MCF2L: variants seen among roughly 807,000 people sequenced by gnomAD.
The protein encoded by MCF2L is MCF.2 cell line derived transforming sequence like, also known as guanine nucleotide exchange factor DBS.
MCF2L carries 97 observed loss-of-function variants against 153.4 expected under a neutral mutation model. The observed-to-expected ratio is 0.63, with a 90% CI of 0.54 to 0.75. The LOEUF is 0.75. Among genes scored for constraint, MCF2L ranks in the 30% least tolerant of loss-of-function variants. MCF2L has a pLI of 0.00. For synonymous variants in MCF2L, 659 were observed against 632.2 expected (o/e 1.04, Z -0.64); for missense variants, 1,347 against 1,495.2 (o/e 0.90, Z 1.64).
intron 2 of MCF2L, among the ~76,000 whole-genome samples, chr13:112,949,105 A>G (rs551731101): frequency 2.6e-5 from 4 of 152,306 alleles, no homozygotes; most frequent in African/African-American, 9.6e-5. Flanking sequence ...ATAATAAGGG[A>G]AAAAACTGCA....
chr13:112,984,378 G>T (rs1021873219), intron 1 of MCF2L, among the ~76,000 whole-genome samples: 1 of 152,066 alleles, frequency 6.6e-6, no homozygotes, highest in Non-Finnish European at 1.5e-5. Context: ...GGAATTACGG[G>T]TATGTGCCAC....
rs145173686 is a variant in MCF2L at position 113,030,923 on chromosome 13, A to G, written c.278+6165A>G. On this transcript the variant is annotated intron_variant, in intron 3 of 29. Coordinates refer to ENST00000535094, the MANE Select transcript of MCF2L (RefSeq NM_001112732.3). ...TCAGTGGTCAGCACACACTGGGAACACAACAGCAAATAAACAGAGAAAATT... is the reference window on the plus strand; with the variant it reads ...TCAGTGGTCAGCACACACTGGGAACGCAACAGCAAATAAACAGAGAAAATT... 1.8e-4 allele frequency among the ~76,000 whole-genome samples: 27 copies of G among 152,344 alleles called. 1 individual carries two copies. The East Asian group carries it at 5.2e-3, about 29-fold the overall frequency.
At chr13:112,944,560 A>C (rs1388637830) in intron 2 of MCF2L, among the ~76,000 whole-genome samples, 1 of 138,658 alleles carries the variant, frequency 7.2e-6, no homozygotes, top group South Asian at 2.4e-4. Context: ...CTGTCCCGCT[A>C]AACCTGAACT....
At chr13:113,066,294 C>T (rs921350494) in intron 8 of MCF2L, 124 bp downstream of exon 8, 1 of 1,212,768 alleles carries the variant, frequency 8.2e-7, no homozygotes, top group South Asian at 1.7e-5. Flanking sequence ...GGCAACCCCA[C>T]TCCTGGCCAG....
chr13:112,972,845 A>G (rs9577183), intron 1 of MCF2L, among the ~76,000 whole-genome samples: 115,804 of 124,436 alleles, frequency 0.93, 53,648 homozygotes, highest in Non-Finnish European at 0.98. Flanking sequence ...GGATGGATGA[A>G]TGGATGGATG....
chr13:112,955,313 C>T (rs372872247), intron 2 of MCF2L, among the ~76,000 whole-genome samples: 1 of 152,192 alleles, frequency 6.6e-6, no homozygotes, highest in African/African-American at 2.4e-5. Context: ...TAGCCAGAGG[C>T]TCCCAGCAGC....
At chr13:112,999,559 C>G (rs76347828) in intron 1 of MCF2L, among the ~76,000 whole-genome samples, 3,347 of 152,300 alleles carry the variant, frequency 0.022, 103 homozygotes, top group East Asian at 0.094. Context: ...CTGCCTGAGA[C>G]GTCCCAGCCC....
intron 1 of MCF2L, among the ~76,000 whole-genome samples, chr13:112,977,594 G>A (rs1594444717): frequency 6.6e-6 from 1 of 152,272 alleles, no homozygotes; most frequent in Non-Finnish European, 1.5e-5. Context: ...AATGATGAAC[G>A]TCTGTGCACA....
At chr13:113,058,815 G>A (rs147090373) in intron 4 of MCF2L, among the ~76,000 whole-genome samples, 151 of 150,472 alleles carry the variant, frequency 1.0e-3, no homozygotes, top group Non-Finnish European at 1.6e-3. Flanking sequence ...CTGAGTGGGC[G>A]CTGTGTGTTT....
intron 26 of MCF2L, chr13:113,090,288 G>A (rs758027523): frequency 1.9e-5 from 24 of 1,289,856 alleles, no homozygotes; most frequent in Admixed American, 8.0e-5. Flanking sequence ...ACCCAATCAC[G>A]TGTTCCCTGA....
chr13:112,986,309 C>G (rs1366381590), intron 1 of MCF2L, among the ~76,000 whole-genome samples: 1 of 152,254 alleles, frequency 6.6e-6, no homozygotes, highest in African/African-American at 2.4e-5. Flanking sequence ...GTTTATAAAA[C>G]TGCATCCACT....
chr13:112,979,791 C>T (rs754810458), intron 1 of MCF2L: 1 of 1,589,046 alleles, frequency 6.3e-7, no homozygotes, highest in Non-Finnish European at 8.6e-7. Flanking sequence ...GGCATGGGGG[C>T]AGGTGCTGTG....
At chr13:112,997,076 C>T (rs968307008) in intron 1 of MCF2L, among the ~76,000 whole-genome samples, 2 of 152,236 alleles carry the variant, frequency 1.3e-5, no homozygotes. Context: ...GCGGCTGCTT[C>T]CCGTGAACGG....
At chr13:113,091,690 G>C (rs1017509751) in intron 26 of MCF2L, among the ~76,000 whole-genome samples, 2 of 151,802 alleles carry the variant, frequency 1.3e-5, no homozygotes, top group African/African-American at 2.4e-5. Context: ...CTCCTTTCCC[G>C]GGCCGACGAG....
intron 3 of MCF2L, chr13:113,044,685 G>A (rs370428573): frequency 2.9e-5 from 46 of 1,612,620 alleles, no homozygotes; most frequent in Non-Finnish European, 3.8e-5. Context: ...GAGGACGGAG[G>A]CTGTCGTTAT....
chr13:113,060,332 G>A (rs1014929644), intron 4 of MCF2L, among the ~76,000 whole-genome samples: 34 of 152,202 alleles, frequency 2.2e-4, no homozygotes, highest in South Asian at 8.3e-4. Context: ...AACAACTGTC[G>A]TAAGCTTTGG....
At chr13:113,002,486 GC>G (rs1307331402) in intron 1 of MCF2L, among the ~76,000 whole-genome samples, 1 of 152,262 alleles carries the variant, frequency 6.6e-6, no homozygotes, top group Non-Finnish European at 1.5e-5. Flanking sequence ...GTGACAAGCT[GC>G]CCTCTCTAGG....
intron 3 of MCF2L, among the ~76,000 whole-genome samples, chr13:113,041,394 G>T (rs186362059): frequency 1.3e-5 from 2 of 151,978 alleles, no homozygotes; most frequent in Non-Finnish European, 1.5e-5. Context: ...CATGGGCCGT[G>T]GGGGGGCGGG....
intron 3 of MCF2L, chr13:113,043,624 C>T (rs1238951440): frequency 6.6e-6 from 1 of 152,298 alleles, no homozygotes; most frequent in Non-Finnish European, 1.5e-5. Context: ...CCTGTACCCA[C>T]TGTGTCTCAC....
Sources: gnomAD v4.1 joint callset for allele counts (sites outside exome capture counted in the v4.1 genomes callset) on GRCh38, gnomAD v4.1.1 for gene constraint, MANE v1.5 for transcripts, NCBI Gene and HGNC (gene_info 2026-07-23, HGNC 2026-07-21) for gene names.